SSX2IP: variants seen among roughly 807,000 people sequenced by gnomAD.
SSX2IP encodes SSX family member 2 interacting protein, also known as afadin- and alpha-actinin-binding protein.
A neutral mutation model predicts 84.9 loss-of-function variants in SSX2IP; 55 were observed. The observed-to-expected ratio is 0.65, with a 90% confidence interval of 0.52 to 0.81. The LOEUF (loss-of-function observed/expected upper bound fraction) is 0.81. Among genes scored for constraint, SSX2IP ranks in the 30% least tolerant of loss-of-function variants. SSX2IP has a pLI of 0.00. For missense variants in SSX2IP, 664 were observed against 705.2 expected (o/e 0.94, Z 0.66); for synonymous variants, 239 against 234.7 (o/e 1.02, Z -0.17).
At chr1:84,687,237 T>C (rs1655928390) in intron 1 of SSX2IP, among the ~76,000 whole-genome samples, 2 of 152,168 alleles carry the variant, frequency 1.3e-5, no homozygotes, top group African/African-American at 2.4e-5. Flanking sequence ...CAAGAGAATA[T>C]GAGAAAAGGA....
intron 1 of SSX2IP, among the ~76,000 whole-genome samples, chr1:84,684,328 T>C (rs577786840): frequency 1.3e-5 from 2 of 152,336 alleles, no homozygotes; most frequent in South Asian, 4.1e-4. Context: ...TTCTATAGAA[T>C]GTGGTTCAGT....
intron 13 of SSX2IP, among the ~76,000 whole-genome samples, chr1:84,648,959 T>C (rs2102135364): frequency 6.6e-6 from 1 of 152,334 alleles, no homozygotes; most frequent in East Asian, 1.9e-4. Context: ...ATTTCCTGGT[T>C]TATATTACAG....
rs1649525851 is a variant in SSX2IP, at chr1:84,646,948, A to C, written c.*485T>G. ...AATCATGTGTATCTATGTACAAAAC[A>C]TACATAAATTTCACTTTATTTAAAA... On this transcript the variant is annotated 3_prime_UTR_variant, in exon 14 of 14. Coordinates refer to ENST00000342203, the MANE Select transcript of SSX2IP (RefSeq NM_001166293.2). The C allele has an allele frequency of 6.6e-6, 1 of 152,618 alleles. No homozygotes were observed. 9.5% of individuals were successfully genotyped at this position (152,618 alleles called of 1,614,324 possible). A position where few individuals can be genotyped will look rare whatever the true frequency, so the allele number is the denominator to read the frequency against.
chr1:84,653,112 T>G (rs1333017686), intron 11 of SSX2IP, among the ~76,000 whole-genome samples: 1 of 152,150 alleles, frequency 6.6e-6, no homozygotes, highest in Admixed American at 6.5e-5. Context: ...TTCATCTGTT[T>G]CACCTAATAA....
chr1:84,655,083 T>C (rs554333886), intron 11 of SSX2IP, among the ~76,000 whole-genome samples: 20 of 152,110 alleles, frequency 1.3e-4, no homozygotes, highest in African/African-American at 4.6e-4. Context: ...AGGAAGGGTG[T>C]AGGTAGGAGG....
In SSX2IP at chr1:84,646,002, G is replaced by A. The variant is rs1409923892; in HGVS notation, c.*1431C>T. On this transcript the variant is annotated 3_prime_UTR_variant, in exon 14 of 14. Transcript: ENST00000342203. ...CAACTCCAAAGAGTTACATAGTTAC[G>A]TATAGTGAATGGACAACACAAATAG... The A allele has an allele frequency of 3.3e-5, 5 of 152,102 alleles. No individual in the cohort carries two copies. Among genetic ancestry groups the A allele is most frequent in the South Asian group, 2.1e-4 (1 of 4,834 alleles). 9.4% of individuals were successfully genotyped at this position (152,102 alleles called of 1,614,324 possible). A position where few individuals can be genotyped will look rare whatever the true frequency, so the allele number is the denominator to read the frequency against.
chr1:84,657,317 C>A (rs1651262516), intron 9 of SSX2IP, among the ~76,000 whole-genome samples: 1 of 151,930 alleles, frequency 6.6e-6, no homozygotes. Context: ...AAGTAAGTAT[C>A]TTTCAAATCC....
chr1:84,656,496 T>C lies in SSX2IP; in HGVS notation c.1079-12A>G. On this transcript the variant is annotated splice_polypyrimidine_tract_variant and intron_variant, in intron 9 of 13. Transcript: ENST00000342203. ...GTGTACCTTTGAAACTAAGACAAAA[T>C]CAGTAAGTTGACATAGGTCTTATAG... 6.2e-7 allele frequency: 1 copy of C among 1,608,974 alleles called. No homozygotes were observed. Among genetic ancestry groups the C allele is most frequent in the Non-Finnish European group, 8.5e-7 (1 of 1,178,018 alleles).
rs539901567 is a variant in SSX2IP at position 84,683,282 on chromosome 1, G to A, written c.-90+7089C>T. On this transcript the variant is annotated intron_variant, in intron 1 of 13. Coordinates refer to ENST00000342203, the MANE Select transcript of SSX2IP (RefSeq NM_001166293.2). Reference sequence around the variant, plus strand: ...CTAATGCTCTTCCTCCCCTCAAGCTGCTTTTTCAAACCGAACAAGTATTCT... The same window carrying A: ...CTAATGCTCTTCCTCCCCTCAAGCTACTTTTTCAAACCGAACAAGTATTCT... Among the ~76,000 whole-genome samples, 7 of 152,004 alleles carry A rather than the reference G, an allele frequency of 4.6e-5. No homozygotes were observed. In the South Asian group the frequency reaches 1.5e-3, roughly 32 times the overall value.
intron 1 of SSX2IP, among the ~76,000 whole-genome samples, chr1:84,677,039 CA>C (rs1323906144): frequency 2.6e-5 from 4 of 152,114 alleles, no homozygotes; most frequent in African/African-American, 9.7e-5. Context: ...TTCATTCTAT[CA>C]CTATTCAACC....
chr1:84,672,487 G>A (rs1653721572), intron 1 of SSX2IP, among the ~76,000 whole-genome samples: 1 of 151,932 alleles, frequency 6.6e-6, no homozygotes, highest in Non-Finnish European at 1.5e-5. Context: ...GAGTGAGTCT[G>A]GGGTGCCAAA....
intron 1 of SSX2IP, among the ~76,000 whole-genome samples, chr1:84,672,678 A>G (rs1443262547): frequency 6.6e-6 from 1 of 152,236 alleles, no homozygotes; most frequent in East Asian, 1.9e-4. Context: ...AGAGTTCACA[A>G]CCACAGTTCT....
At chr1:84,690,710 C>T (rs1306938312), upstream of SSX2IP, 4 of 152,334 alleles carry the variant, frequency 2.6e-5, no homozygotes, top group African/African-American at 9.6e-5. Flanking sequence ...GACCTTATCC[C>T]TGCGGTCCGC....
intron 5 of SSX2IP, among the ~76,000 whole-genome samples, chr1:84,665,106 T>C (rs1376030478): frequency 1.3e-5 from 2 of 152,190 alleles, no homozygotes; most frequent in Non-Finnish European, 2.9e-5. Flanking sequence ...TTTAGATCTA[T>C]TATAGTTTCT....
At chr1:84,669,970 G>C (rs542198958) in intron 3 of SSX2IP, 77 bp from the exon 4 acceptor site, 2 of 1,020,870 alleles carry the variant, frequency 2.0e-6, no homozygotes, top group South Asian at 3.0e-5. Context: ...CTTTCAGTTA[G>C]ATAGGAAGAA....
chr1:84,662,393 A>T lies in SSX2IP; in HGVS notation c.750-18T>A. The stretch of plus-strand genomic sequence containing the variant: ...CTTCATTCCTGAGAAAGAAACTGTC[A>T]GTATGAAAATGCAGGATAGAAGGAA... On this transcript the variant is annotated intron_variant, in intron 7 of 13. Coordinates refer to ENST00000342203, the MANE Select transcript of SSX2IP (RefSeq NM_001166293.2). 6.2e-7 allele frequency: 1 copy of T among 1,606,854 alleles called. No individual in the cohort carries two copies.
chr1:84,660,892 A>G (rs1651856829), intron 8 of SSX2IP, among the ~76,000 whole-genome samples: 1 of 106,170 alleles, frequency 9.4e-6, no homozygotes, highest in Admixed American at 1.1e-4. Flanking sequence ...CTCTACTAAA[A>G]TACAAAAAAA....
intron 8 of SSX2IP, 78 bp downstream of exon 8, chr1:84,662,120 T>C (rs755858276): frequency 3.3e-5 from 32 of 963,650 alleles, no homozygotes; most frequent in East Asian, 1.5e-4. Context: ...AGTGTCCCCA[T>C]TGAGAATGCC....
chr1:84,661,157 T>G (rs1322174088), intron 8 of SSX2IP, among the ~76,000 whole-genome samples: 2 of 151,668 alleles, frequency 1.3e-5, no homozygotes, highest in African/African-American at 4.8e-5. Context: ...GCTTATCAGC[T>G]GGACTGATTT....
Sources: allele counts gnomAD v4.1 joint callset (sites outside exome capture counted in the v4.1 genomes callset), GRCh38; gene constraint gnomAD v4.1.1; transcripts MANE v1.5; gene names NCBI Gene and HGNC (gene_info 2026-07-23, HGNC 2026-07-21).